R3HCC1L: variants seen among roughly 807,000 people sequenced by gnomAD.
The protein encoded by R3HCC1L is coiled-coil domain-containing protein R3HCC1L.
R3HCC1L carries 51 observed loss-of-function variants against 59.9 expected under a neutral mutation model. That is an observed-to-expected ratio of 0.85 (90% confidence interval 0.68 to 1.07). R3HCC1L has a LOEUF of 1.07. Among genes scored for constraint, R3HCC1L ranks in the 50% least tolerant of loss-of-function variants. R3HCC1L has a pLI of 0.00. For synonymous variants in R3HCC1L, 322 were observed against 315.2 expected (o/e 1.02, Z -0.23); for missense variants, 965 against 933.0 (o/e 1.03, Z -0.45).
intron 2 of R3HCC1L, among the ~76,000 whole-genome samples, chr10:98,158,062 T>G (rs890487224): frequency 6.6e-6 from 1 of 152,218 alleles, no homozygotes; most frequent in African/African-American, 2.4e-5. Context: ...GTTACGTCTG[T>G]ATTGTAAGAA....
chr10:98,188,693 A>T (rs1481210644), intron 4 of R3HCC1L, among the ~76,000 whole-genome samples: 1 of 152,176 alleles, frequency 6.6e-6, no homozygotes, highest in Non-Finnish European at 1.5e-5. Flanking sequence ...ATAGTTATTT[A>T]TGTATTTTTT....
intron 5 of R3HCC1L, among the ~76,000 whole-genome samples, chr10:98,223,998 G>C (rs143291114): frequency 6.6e-6 from 1 of 152,282 alleles, no homozygotes; most frequent in East Asian, 1.9e-4. Context: ...TTACGCAGGT[G>C]GGGGGTTGTG....
chr10:98,180,642 T>A (rs1470279152), intron 4 of R3HCC1L, among the ~76,000 whole-genome samples: 1 of 152,222 alleles, frequency 6.6e-6, no homozygotes, highest in Non-Finnish European at 1.5e-5. Context: ...CTCGTTGATC[T>A]GTCTGATATT....
intron 2 of R3HCC1L, among the ~76,000 whole-genome samples, chr10:98,159,153 A>G (rs575366346): frequency 1.3e-5 from 2 of 152,288 alleles, no homozygotes; most frequent in African/African-American, 4.8e-5. Context: ...TTTGTAGAAC[A>G]TGTGCAGTTT....
At chr10:98,172,748 G>A (rs1220880552) in intron 4 of R3HCC1L, among the ~76,000 whole-genome samples, 1 of 152,180 alleles carries the variant, frequency 6.6e-6, no homozygotes, top group Non-Finnish European at 1.5e-5. Flanking sequence ...GCGGGATGTG[G>A]CAGCAAGTGC....
chr10:98,143,787 C>G lies in R3HCC1L; in HGVS notation c.-268+9081C>G, dbSNP rs906683924. Reference sequence around the variant, plus strand: ...ATATGACCGTACATTATAAACTATTCCAACCAGGGTCTAGGGCATTACTTT... The same window carrying G: ...ATATGACCGTACATTATAAACTATTGCAACCAGGGTCTAGGGCATTACTTT... On this transcript the variant is annotated intron_variant, in intron 1 of 9. Coordinates refer to ENST00000298999, the MANE Select transcript of R3HCC1L (RefSeq NM_001351015.2). Among the ~76,000 whole-genome samples the G allele has an allele frequency of 2.6e-5, 4 of 152,216 alleles. No homozygotes were observed. The South Asian group carries it at 6.2e-4, about 24-fold the overall frequency.
intron 6 of R3HCC1L, 69 bp downstream of exon 6, chr10:98,231,756 A>G (rs1262980198): frequency 7.1e-6 from 10 of 1,404,206 alleles, no homozygotes; most frequent in African/African-American, 1.5e-5. Context: ...TTTTCTGAGA[A>G]ATCATCTCTT....
chr10:98,173,528 A>G (rs1848714850), intron 4 of R3HCC1L, among the ~76,000 whole-genome samples: 1 of 152,164 alleles, frequency 6.6e-6, no homozygotes, highest in African/African-American at 2.4e-5. Context: ...GCATCCTGAC[A>G]TTCATAATCT....
chr10:98,236,225 T>G lies in R3HCC1L; in HGVS notation c.2269+61T>G. On this transcript the variant is annotated intron_variant, in intron 9 of 9. Coordinates refer to ENST00000298999, the MANE Select transcript of R3HCC1L (RefSeq NM_001351015.2). ...TCAGAACTCACTGTAAGGCATGTGTTTAAAAAAAAATGAATGAAGCCCATT... is the reference window on the plus strand; with the variant it reads ...TCAGAACTCACTGTAAGGCATGTGTGTAAAAAAAAATGAATGAAGCCCATT... The G allele has an allele frequency of 1.9e-6, 3 of 1,570,954 alleles. No homozygotes were observed. In the South Asian group the frequency reaches 3.6e-5, roughly 19 times the overall value.
At chr10:98,136,171 A>G (rs1271060625) in intron 1 of R3HCC1L, among the ~76,000 whole-genome samples, 10 of 152,072 alleles carry the variant, frequency 6.6e-5, no homozygotes, top group Non-Finnish European at 1.5e-5. Flanking sequence ...CTCTGCGATT[A>G]ATTTTTAAAG....
intron 1 of R3HCC1L, among the ~76,000 whole-genome samples, chr10:98,152,973 G>A (rs1318591436): frequency 1.4e-5 from 2 of 147,398 alleles, no homozygotes; most frequent in Non-Finnish European, 3.0e-5. Flanking sequence ...CCAGCCAGCC[G>A]CCCTGTCCGG....
chr10:98,140,105 AG>A (rs1230232472), intron 1 of R3HCC1L, among the ~76,000 whole-genome samples: 1 of 152,052 alleles, frequency 6.6e-6, no homozygotes, highest in Non-Finnish European at 1.5e-5. Flanking sequence ...CTCTTAGAAA[AG>A]AATCTGAATG....
chr10:98,157,340 A>AT (rs1846979586), intron 2 of R3HCC1L, among the ~76,000 whole-genome samples: 1 of 152,194 alleles, frequency 6.6e-6, no homozygotes, highest in African/African-American at 2.4e-5. Context: ...GGGGCGATAG[A>AT]TTTTAGGTTC....
At chr10:98,188,078 A>G (rs1850424192) in intron 4 of R3HCC1L, among the ~76,000 whole-genome samples, 1 of 152,112 alleles carries the variant, frequency 6.6e-6, no homozygotes, top group South Asian at 2.1e-4. Context: ...GAATACACAT[A>G]CCTTTTACAC....
At chr10:98,173,386 G>A (rs72826261) in intron 4 of R3HCC1L, among the ~76,000 whole-genome samples, 18,975 of 152,042 alleles carry the variant, frequency 0.12, 1,226 homozygotes, top group East Asian at 0.17. Context: ...CTCAGCTCCT[G>A]CTCTTTGTTC....
intron 4 of R3HCC1L, among the ~76,000 whole-genome samples, chr10:98,193,896 T>TA (rs2134922393): frequency 6.6e-6 from 1 of 152,246 alleles, no homozygotes; most frequent in South Asian, 2.1e-4. Context: ...TTAATATTGT[T>TA]AAAATGTCCA....
At chr10:98,241,745 A>G (rs187184519) in intron 9 of R3HCC1L, among the ~76,000 whole-genome samples, 12 of 152,022 alleles carry the variant, frequency 7.9e-5, no homozygotes, top group Admixed American at 7.2e-4. Flanking sequence ...AGATGTCAGG[A>G]TAGTAGAAAG....
Position 98,202,994 on chromosome 10 carries a change from C to T in R3HCC1L, c.-14-5107C>T, listed in dbSNP as rs896589935. On this transcript the variant is annotated intron_variant, in intron 4 of 9. Coordinates refer to ENST00000298999, the MANE Select transcript of R3HCC1L (RefSeq NM_001351015.2). ...CTGGCAGTTAAAGGCACTACCTGAC[C>T]CTAACTGGATCCTGTATGGAAAGGG... 2.6e-5 allele frequency among the ~76,000 whole-genome samples: 4 copies of T among 152,140 alleles called. No individual in the cohort carries two copies. The East Asian group carries it at 5.8e-4, about 22-fold the overall frequency.
chr10:98,138,806 G>C (rs990307447), intron 1 of R3HCC1L, among the ~76,000 whole-genome samples: 2 of 152,024 alleles, frequency 1.3e-5, no homozygotes, highest in African/African-American at 4.8e-5. Flanking sequence ...ATGTAACTTT[G>C]GTTCATATGA....
Sources: allele counts gnomAD v4.1 joint callset (sites outside exome capture counted in the v4.1 genomes callset), GRCh38; gene constraint gnomAD v4.1.1; transcripts MANE v1.5; gene names NCBI Gene and HGNC (gene_info 2026-07-23, HGNC 2026-07-21).